Variants in ZSCAN4 observed in about 807,000 individuals in gnomAD.
ZSCAN4 encodes zinc finger and SCAN domain containing 4.
In ZSCAN4, 18 loss-of-function variants were observed where a neutral mutation model predicts 18.3. That is an observed-to-expected ratio of 0.98 (90% CI 0.68 to 1.46). The LOEUF is 1.46. Among genes scored for constraint, ZSCAN4 ranks in the 40% most tolerant of loss-of-function variants. The pLI, the probability that ZSCAN4 is intolerant of heterozygous loss-of-function variation, is 0.00. For synonymous variants in ZSCAN4, 193 were observed against 180.3 expected, an observed-to-expected ratio of 1.07 and a Z score of -0.57; for missense variants, 498 against 511.4, an observed-to-expected ratio of 0.97 and a Z score of 0.25.
intron 2 of ZSCAN4, among the ~76,000 whole-genome samples, chr19:57,670,870 T>C (rs953560531): frequency 1.1e-4 from 17 of 150,450 alleles, no homozygotes; most frequent in Non-Finnish European, 1.6e-4. Context: ...TAGTAATTCT[T>C]TTTTTTTTTT....
chr19:57,651,639 G>C, the ZSCAN4 span, among the ~76,000 whole-genome samples: 1 of 152,106 alleles, frequency 6.6e-6, no homozygotes, highest in Admixed American at 6.5e-5. Flanking sequence ...TCCCTTCCTT[G>C]CTCTCAGTTC....
At chr19:57,678,536 A>G (rs1382304396) in exon 5 of ZSCAN4, 4 of 1,614,160 alleles carry the variant, frequency 2.5e-6, no homozygotes, top group Non-Finnish European at 3.4e-6. Context: ...TCCAAAAATC[A>G]TACAAATGTG....
the ZSCAN4 span, among the ~76,000 whole-genome samples, chr19:57,658,600 G>A: frequency 3.3e-5 from 5 of 152,194 alleles, no homozygotes; most frequent in African/African-American, 9.6e-5. Flanking sequence ...TTGGGAGGCC[G>A]AGGCAGGTAG....
the ZSCAN4 span, among the ~76,000 whole-genome samples, chr19:57,663,520 T>TAAAAAAAAAAAAAAA: frequency 4.5e-5 from 3 of 66,548 alleles, no homozygotes; most frequent in African/African-American, 1.3e-4. Context: ...ACCATGTCTC[T>TAAAAAAAAAAAAAAA]AAAAAAAAAA....
chr19:57,672,253 C>T (rs940394253), intron 2 of ZSCAN4, among the ~76,000 whole-genome samples: 8 of 152,034 alleles, frequency 5.3e-5, no homozygotes, highest in African/African-American at 1.7e-4. Flanking sequence ...GGAATGGTAA[C>T]TGTTAATGGG....
chr19:57,667,003 G>T (rs980121010), upstream of ZSCAN4, among the ~76,000 whole-genome samples: 12 of 152,028 alleles, frequency 7.9e-5, no homozygotes, highest in Non-Finnish European at 1.8e-4. Context: ...ACTCACACTG[G>T]AGCGGGGATA....
At chr19:57,672,223 T>C (rs111838920) in intron 2 of ZSCAN4, among the ~76,000 whole-genome samples, 1 of 152,080 alleles carries the variant, frequency 6.6e-6, no homozygotes, top group Admixed American at 6.6e-5. Flanking sequence ...GTAGCTTTGG[T>C]TAAAGCAGTA....
intron 2 of ZSCAN4, among the ~76,000 whole-genome samples, chr19:57,674,642 T>C (rs2122302239): frequency 6.6e-6 from 1 of 152,252 alleles, no homozygotes; most frequent in African/African-American, 2.4e-5. Context: ...TGAGTGCAGG[T>C]GTCTTTTTTT....
chr19:57,678,534 T>C, exon 5 of ZSCAN4: 1 of 1,614,070 alleles, frequency 6.2e-7, no homozygotes, highest in South Asian at 1.1e-5. Context: ...AGTCCAAAAA[T>C]CATACAAATG....
upstream of ZSCAN4, among the ~76,000 whole-genome samples, chr19:57,667,965 G>A (rs895625345): frequency 5.9e-5 from 9 of 152,014 alleles, no homozygotes; most frequent in African/African-American, 1.9e-4. Context: ...GCAGTGGTGC[G>A]ATCTTGGCTC....
the ZSCAN4 span, among the ~76,000 whole-genome samples, chr19:57,660,696 A>T: frequency 6.6e-6 from 1 of 152,150 alleles, no homozygotes; most frequent in Non-Finnish European, 1.5e-5. Context: ...TCTCATTCTC[A>T]TGTACTCACA....
chr19:57,676,196 T>A (rs1044028492), exon 3 of ZSCAN4: 9 of 1,614,144 alleles, frequency 5.6e-6, no homozygotes, highest in Middle Eastern at 1.7e-4. Context: ...CCGAGAATAA[T>A]CTTGGATCAG....
chr19:57,677,781 A>G (rs1051507304), intron 3 of ZSCAN4, 133 bp from the exon 4 acceptor site: 11 of 699,988 alleles, frequency 1.6e-5, no homozygotes, highest in Non-Finnish European at 2.4e-5. Context: ...TAACACCATC[A>G]GAGATGGTGG....
upstream of ZSCAN4, chr19:57,664,165 AAGGAAGGGAGGAAGGG>A (rs3054083): frequency 8.7e-5 from 13 of 149,690 alleles, no homozygotes; most frequent in Admixed American, 3.3e-4. Context: ...AAGAGAAAGG[AAGGAAGGGAGGAAGGG>A]AGGAAGGGAG....
upstream of ZSCAN4, chr19:57,665,092 C>T (rs1160419875): frequency 6.5e-6 from 1 of 153,732 alleles, no homozygotes; most frequent in Non-Finnish European, 1.5e-5. Flanking sequence ...GATGTGGGGT[C>T]TGAGAGCCTG....
In ZSCAN4 at chr19:57,669,058, C is replaced by CTTCTTTTT. The variant is rs1555807412; in HGVS notation, c.-572_-571insCTTTTTTT. On this transcript the variant is annotated 5_prime_UTR_variant, in exon 1 of 5. Transcript: ENST00000318203. ...GACTAACGTTTGTCTTTATATTTTC[C>CTTCTTTTT]TTTTTTTTTTTTTTTTTTTTGAGAC... 3.8e-4 allele frequency: 26 copies of CTTCTTTTT among 68,590 alleles called. 2 individuals carry two copies. The highest frequency in any genetic ancestry group is 1.7e-3 in the African/African-American group (26 of 14,994). The allele number at this position is 68,590 out of a possible 1,614,324, so 4.2% of individuals were successfully genotyped here.
the ZSCAN4 span, among the ~76,000 whole-genome samples, chr19:57,657,238 A>G: frequency 2.0e-5 from 3 of 152,042 alleles, no homozygotes; most frequent in African/African-American, 7.2e-5. Flanking sequence ...CCTGGGCAAC[A>G]AGAGTGAAAC....
At chr19:57,655,706 A>G in the ZSCAN4 span, among the ~76,000 whole-genome samples, 2 of 152,054 alleles carry the variant, frequency 1.3e-5, no homozygotes, top group Non-Finnish European at 2.9e-5. Context: ...AAAGATGTAA[A>G]GTTCTCAACC....
At chr19:57,666,659 G>A (rs1335148305), upstream of ZSCAN4, among the ~76,000 whole-genome samples, 2 of 151,692 alleles carry the variant, frequency 1.3e-5, no homozygotes, top group African/African-American at 2.4e-5. Flanking sequence ...TGAGGTGGGC[G>A]GATCACCTGA....
Sources: gnomAD v4.1 joint callset for allele counts (sites outside exome capture counted in the v4.1 genomes callset) on GRCh38, gnomAD v4.1.1 for gene constraint, MANE v1.5 for transcripts, NCBI Gene and HGNC (gene_info 2026-07-23, HGNC 2026-07-21) for gene names.